SLC35F3: variants seen among roughly 807,000 people sequenced by gnomAD.
SLC35F3 encodes putative thiamine transporter SLC35F3.
SLC35F3 carries 25 observed loss-of-function variants against 49.9 expected under a neutral mutation model. That is an observed-to-expected ratio of 0.50 (90% CI 0.37 to 0.70). The LOEUF is 0.70. Among genes scored for constraint, SLC35F3 ranks in the 30% least tolerant of loss-of-function variants. The pLI, the probability that SLC35F3 is intolerant of heterozygous loss-of-function variation, is 0.00. For missense variants in SLC35F3, 525 were observed against 639.8 expected, an observed-to-expected ratio of 0.82 and a Z score of 1.94; for synonymous variants, 275 against 265.4, an observed-to-expected ratio of 1.04 and a Z score of -0.35.
At chr1:234,186,193 C>G (rs953286066) in intron 2 of SLC35F3, among the ~76,000 whole-genome samples, 1 of 152,208 alleles carries the variant, frequency 6.6e-6, no homozygotes, top group African/African-American at 2.4e-5. Flanking sequence ...CATTAATATC[C>G]CTGGCACCTC....
chr1:233,991,195 G>A (rs1196528350), intron 2 of SLC35F3, among the ~76,000 whole-genome samples: 1 of 152,160 alleles, frequency 6.6e-6, no homozygotes, highest in African/African-American at 2.4e-5. Flanking sequence ...AGCCACAGCT[G>A]TAGTGAGCAG....
chr1:234,089,016 C>A (rs1356932255), intron 2 of SLC35F3, among the ~76,000 whole-genome samples: 1 of 152,174 alleles, frequency 6.6e-6, no homozygotes, highest in African/African-American at 2.4e-5. Flanking sequence ...CCCACCTCGG[C>A]CCCCCAGAGT....
At chr1:234,126,554 C>T (rs1485724745) in intron 2 of SLC35F3, among the ~76,000 whole-genome samples, 6 of 151,518 alleles carry the variant, frequency 4.0e-5, no homozygotes, top group Admixed American at 3.9e-4. Flanking sequence ...ACAGTCAAGA[C>T]CACACAGGTC....
chr1:234,108,711 TAAAAGATATATATAA>T (rs1665343743), intron 2 of SLC35F3, among the ~76,000 whole-genome samples: 1 of 71,878 alleles, frequency 1.4e-5, no homozygotes, highest in Non-Finnish European at 2.4e-5. Flanking sequence ...ATTATATATA[TAAAAGATATATATAA>T]ATATATATAT....
chr1:234,085,849 A>C (rs1055344759), intron 2 of SLC35F3, among the ~76,000 whole-genome samples: 1 of 152,212 alleles, frequency 6.6e-6, no homozygotes, highest in Non-Finnish European at 1.5e-5. Flanking sequence ...GGGAAGTTTC[A>C]GTTGCTCTCT....
At chr1:234,077,426 G>A (rs888187222) in intron 2 of SLC35F3, among the ~76,000 whole-genome samples, 2 of 152,234 alleles carry the variant, frequency 1.3e-5, no homozygotes, top group African/African-American at 4.8e-5. Context: ...GGAAGGAGAA[G>A]TGCTGAATGA....
At chr1:234,074,689 G>T (rs1193227617) in intron 2 of SLC35F3, among the ~76,000 whole-genome samples, 2 of 152,230 alleles carry the variant, frequency 1.3e-5, no homozygotes, top group Non-Finnish European at 2.9e-5. Context: ...GAGGCATAGA[G>T]AAGGTTCAGA....
chr1:234,195,664 G>A (rs913878403), intron 2 of SLC35F3, among the ~76,000 whole-genome samples: 2 of 152,056 alleles, frequency 1.3e-5, no homozygotes, highest in Non-Finnish European at 2.9e-5. Flanking sequence ...CTGCAACCAC[G>A]TACCTGCCAC....
rs1662727027 is a variant in SLC35F3, at chr1:233,957,615, G to T, written c.283+51857G>T. Reference sequence around the variant, plus strand: ...GGATCACCTGAAGTCAGGAGTTCGAGACCAGCCTGGCCAACACGGTGAAAG... The same window carrying T: ...GGATCACCTGAAGTCAGGAGTTCGATACCAGCCTGGCCAACACGGTGAAAG... On this transcript the variant is annotated intron_variant, in intron 2 of 7. Transcript: ENST00000366618. The surrounding 1 kb of genome is among the most constrained non-coding windows in gnomAD (Gnocchi z 4.0). Among the ~76,000 whole-genome samples the T allele has an allele frequency of 6.6e-6, 1 of 152,164 alleles. No homozygotes were observed. The highest frequency in any genetic ancestry group is 2.1e-4 in the South Asian group (1 of 4,834).
intron 2 of SLC35F3, among the ~76,000 whole-genome samples, chr1:233,995,608 T>A (rs1663445414): frequency 6.6e-6 from 1 of 152,218 alleles, no homozygotes; most frequent in East Asian, 1.9e-4. Context: ...CTACATATTT[T>A]CTGATGACTT....
chr1:233,964,205 T>G (rs960857862), intron 2 of SLC35F3, among the ~76,000 whole-genome samples: 6 of 152,108 alleles, frequency 3.9e-5, no homozygotes. Flanking sequence ...TTCCCAGGTG[T>G]GGAAGAGTGA....
chr1:234,267,723 C>T (rs1167527385), intron 3 of SLC35F3, among the ~76,000 whole-genome samples: 1 of 114,774 alleles, frequency 8.7e-6, no homozygotes, highest in Non-Finnish European at 2.0e-5. Context: ...GACGGAGGGG[C>T]TCCTCACTTC....
At chr1:234,096,434 A>G (rs1159751334) in intron 2 of SLC35F3, among the ~76,000 whole-genome samples, 1 of 152,158 alleles carries the variant, frequency 6.6e-6, no homozygotes, top group Admixed American at 6.5e-5. Context: ...TGCTTCATCA[A>G]TATTTATTTC....
chr1:233,921,567 C>G (rs1234933942), intron 2 of SLC35F3, among the ~76,000 whole-genome samples: 2 of 152,176 alleles, frequency 1.3e-5, no homozygotes, highest in African/African-American at 4.8e-5. Context: ...CCCCTCAAAC[C>G]CTCTCTGGCA....
intron 2 of SLC35F3, among the ~76,000 whole-genome samples, chr1:234,068,823 T>TTATA (rs10645395): frequency 0.016 from 1,136 of 71,120 alleles, 173 homozygotes; most frequent in East Asian, 0.046. Flanking sequence ...ATTTGAGACA[T>TTATA]TATATATATA....
intron 3 of SLC35F3, among the ~76,000 whole-genome samples, chr1:234,268,048 G>A (rs1295907701): frequency 1.3e-5 from 2 of 151,878 alleles, no homozygotes; most frequent in African/African-American, 2.4e-5. Context: ...CTTCCCAGAC[G>A]GGGTGGCGGC....
intron 2 of SLC35F3, among the ~76,000 whole-genome samples, chr1:234,038,740 A>G (rs1664179815): frequency 6.6e-6 from 1 of 152,222 alleles, no homozygotes; most frequent in African/African-American, 2.4e-5. Context: ...AAATTTTAAA[A>G]GGATCATTCT....
In SLC35F3 at chr1:234,166,094, T is replaced by G. The variant is rs113993226; in HGVS notation, c.284-65323T>G. ...ATATAACCGCATTTTCTTTATCCAC[T>G]CATCAGTTGATGGGCACTTAAGTTG... On this transcript the variant is annotated intron_variant, in intron 2 of 7. Transcript: ENST00000366618. 7.7e-3 allele frequency among the ~76,000 whole-genome samples: 1,166 copies of G among 152,306 alleles called. 19 individuals are homozygous for G. Among genetic ancestry groups the G allele is most frequent in the African/African-American group, 0.025 (1,051 of 41,556 alleles).
Position 234,320,287 on chromosome 1 carries a change from CATACACTCACAT to C in SLC35F3, c.1237+102_1237+113del. On this transcript the variant is annotated intron_variant, in intron 7 of 7. Transcript: ENST00000366618. The surrounding 1 kb of genome is among the most constrained non-coding windows in gnomAD (Gnocchi z 4.8). ...ACTCATGCATACATACACACTCACACATACACTCACATACACACACTCATGCATACACACACA... is the reference window on the plus strand; with the variant it reads ...ACTCATGCATACATACACACTCACACACACACACTCATGCATACACACACA... The C allele has an allele frequency of 1.3e-6, 1 of 760,674 alleles. No homozygotes were observed. The highest frequency in any genetic ancestry group is 1.5e-5 in the South Asian group (1 of 68,880). The allele number at this position is 760,674 out of a possible 1,614,324, so 47.1% of individuals were successfully genotyped here.
Sources: gnomAD v4.1 joint callset for allele counts (sites outside exome capture counted in the v4.1 genomes callset) on GRCh38, gnomAD v4.1.1 for gene constraint, Gnocchi (gnomAD v3.1) non-coding constraint, MANE v1.5 for transcripts, NCBI Gene and HGNC (gene_info 2026-07-23, HGNC 2026-07-21) for gene names.